Variants in TNIK observed in about 807,000 individuals in gnomAD.
TNIK encodes the protein TRAF2 and NCK interacting kinase, also known as TRAF2 and NCK-interacting protein kinase.
In TNIK, 49 loss-of-function variants were observed where a neutral mutation model predicts 191.3. That is an observed-to-expected ratio of 0.26 (90% CI 0.20 to 0.32). The LOEUF (loss-of-function observed/expected upper bound fraction) is 0.32, where lower values mean the gene tolerates loss of function less well. Ranked by LOEUF, TNIK falls within the 10% of genes least tolerant of loss-of-function variation. TNIK has a pLI of 1.00. For synonymous variants in TNIK, 594 were observed against 600.9 expected (o/e 0.99, Z 0.17); for missense variants, 1,155 against 1,702.3 (o/e 0.68, Z 5.66).
chr3:171,172,968 G>A (rs1045589999), intron 9 of TNIK, among the ~76,000 whole-genome samples: 1 of 152,166 alleles, frequency 6.6e-6, no homozygotes, highest in Admixed American at 6.5e-5. Flanking sequence ...TCAGCACACC[G>A]TTGATCTTTT....
intron 2 of TNIK, among the ~76,000 whole-genome samples, chr3:171,288,207 T>C (rs1287017076): frequency 3.5e-5 from 5 of 144,752 alleles, no homozygotes; most frequent in African/African-American, 1.0e-4. Context: ...TTGGGAGATA[T>C]ACCTAATGCT....
chr3:171,104,991 A>G (rs1010352989), intron 21 of TNIK, among the ~76,000 whole-genome samples: 1 of 147,042 alleles, frequency 6.8e-6, no homozygotes, highest in Non-Finnish European at 1.5e-5. Context: ...CAAAGACTAT[A>G]TTCAAAGACT....
intron 29 of TNIK, among the ~76,000 whole-genome samples, chr3:171,070,387 A>T (rs1196939209): frequency 6.6e-6 from 1 of 152,218 alleles, no homozygotes; most frequent in East Asian, 1.9e-4. Flanking sequence ...GATAACAGTC[A>T]TAAAGGTGGG....
chr3:171,262,119 G>T (rs1436870821), intron 2 of TNIK, among the ~76,000 whole-genome samples: 1 of 152,216 alleles, frequency 6.6e-6, no homozygotes, highest in Non-Finnish European at 1.5e-5. Context: ...TTTCACAACT[G>T]TGCTGATGAA....
At chr3:171,152,045 C>A (rs1456438403) in intron 12 of TNIK, among the ~76,000 whole-genome samples, 3 of 152,108 alleles carry the variant, frequency 2.0e-5, no homozygotes, top group Admixed American at 6.5e-5. Context: ...CTCTGGGAGA[C>A]CGAGGCAGGC....
chr3:171,386,009 T>C lies in TNIK; in HGVS notation c.58-16324A>G, dbSNP rs551524742. On this transcript the variant is annotated intron_variant, in intron 1 of 32. Transcript: ENST00000436636. ...TAAATGACTCTGATGTAATAACTTG[T>C]TTACATCCGTATTCCCCACTCAGCT... Among the ~76,000 whole-genome samples, 316 of 152,284 alleles carry C rather than the reference T, an allele frequency of 2.1e-3. 1 individual carries two copies. The highest frequency in any genetic ancestry group is 7.2e-3 in the African/African-American group (298 of 41,566).
chr3:171,174,174 G>T (rs1173154067), intron 9 of TNIK, among the ~76,000 whole-genome samples: 1 of 152,112 alleles, frequency 6.6e-6, no homozygotes, highest in Non-Finnish European at 1.5e-5. Context: ...CCTTTCCTCT[G>T]TTCCACCAGG....
intron 15 of TNIK, among the ~76,000 whole-genome samples, chr3:171,131,530 G>A (rs919135487): frequency 5.3e-5 from 8 of 151,800 alleles, no homozygotes; most frequent in Non-Finnish European, 1.0e-4. Context: ...TATTTCAGTC[G>A]GTACCATTCT....
intron 1 of TNIK, among the ~76,000 whole-genome samples, chr3:171,400,681 C>T (rs1266500056): frequency 6.6e-6 from 1 of 152,154 alleles, no homozygotes; most frequent in African/African-American, 2.4e-5. Flanking sequence ...AATACAGTTC[C>T]ATATTATTCT....
Position 171,106,119 on chromosome 3 carries a change from C to T in TNIK, c.2406+1064G>A, listed in dbSNP as rs138990929. ...ATAAGTCTGAAAAAGTGAGGCTCTT[C>T]GGTGAAGACCAGATACATGGAAACA... On this transcript the variant is annotated intron_variant, in intron 21 of 32. Coordinates refer to ENST00000436636, the MANE Select transcript of TNIK (RefSeq NM_015028.4). 5.9e-3 allele frequency among the ~76,000 whole-genome samples: 896 copies of T among 152,256 alleles called. 26 individuals are homozygous for T. The highest frequency in any genetic ancestry group is 0.045 in the Admixed American group (693 of 15,280).
At chr3:171,153,123 A>G (rs1258474931) in intron 12 of TNIK, among the ~76,000 whole-genome samples, 1 of 152,004 alleles carries the variant, frequency 6.6e-6, no homozygotes, top group East Asian at 1.9e-4. Flanking sequence ...AAAAGATGCT[A>G]TTGTCTTCCT....
In TNIK at chr3:171,356,809, C is replaced by G. The variant is rs139375959; in HGVS notation, c.123+12811G>C. Among the ~76,000 whole-genome samples, 166 of 152,244 alleles carry G rather than the reference C, an allele frequency of 1.1e-3. 1 individual carries two copies. Among genetic ancestry groups the G allele is most frequent in the African/African-American group, 3.9e-3 (161 of 41,542 alleles). Reference sequence around the variant, plus strand: ...TAAGACAAGGTTAATCATACCTCTTCTATCTAACTTATGGGGTTACTGTGA... The same window carrying G: ...TAAGACAAGGTTAATCATACCTCTTGTATCTAACTTATGGGGTTACTGTGA... On this transcript the variant is annotated intron_variant, in intron 2 of 32. Transcript: ENST00000436636.
chr3:171,359,473 T>C (rs1714651333), intron 2 of TNIK, among the ~76,000 whole-genome samples: 1 of 152,146 alleles, frequency 6.6e-6, no homozygotes, highest in African/African-American at 2.4e-5. Flanking sequence ...TTGTCTGCCT[T>C]TGTTGTAGAG....
intron 1 of TNIK, among the ~76,000 whole-genome samples, chr3:171,437,989 G>A (rs934774165): frequency 9.2e-5 from 14 of 152,176 alleles, no homozygotes; most frequent in African/African-American, 3.4e-4. Context: ...TAGCCACTGG[G>A]GAAGCTGCCC....
At chr3:171,167,014 T>C (rs909992744) in intron 10 of TNIK, 81 bp downstream of exon 10, 53 of 1,488,108 alleles carry the variant, frequency 3.6e-5, no homozygotes, top group Admixed American at 2.5e-4. Flanking sequence ...GAAATCCCCA[T>C]AGTCACCTCC....
intron 21 of TNIK, chr3:171,106,787 A>G (rs769408188): frequency 1.9e-6 from 1 of 531,716 alleles, no homozygotes; most frequent in South Asian, 1.4e-5. Flanking sequence ...CAAATCACAC[A>G]CTCTAAATTT....
At chr3:171,384,655 G>C (rs1718492896) in intron 1 of TNIK, among the ~76,000 whole-genome samples, 1 of 152,188 alleles carries the variant, frequency 6.6e-6, no homozygotes, top group Non-Finnish European at 1.5e-5. Flanking sequence ...TAAATGTTTG[G>C]TTAAGTTGAA....
Position 171,068,443 on chromosome 3 carries a change from C to G in TNIK, c.3699+405G>C, listed in dbSNP as rs1416199047. On this transcript the variant is annotated intron_variant, in intron 30 of 32. Transcript: ENST00000436636. ...AGCTGAAGAGAGGAACTAAAAATAG[C>G]AAAAAAAGAATTTTCTCCAATAAAT... Among the ~76,000 whole-genome samples, 3 of 151,858 alleles carry G rather than the reference C, an allele frequency of 2.0e-5. No individual in the cohort carries two copies. In the East Asian group the frequency reaches 5.8e-4, roughly 29 times the overall value.
chr3:171,117,820 AT>A (rs1210031369), intron 18 of TNIK, among the ~76,000 whole-genome samples: 5 of 152,106 alleles, frequency 3.3e-5, no homozygotes, highest in Non-Finnish European at 7.4e-5. Context: ...AATACAAAAA[AT>A]TAGCTGGGCT....
Sources: allele counts gnomAD v4.1 joint callset (sites outside exome capture counted in the v4.1 genomes callset), GRCh38; gene constraint gnomAD v4.1.1; transcripts MANE v1.5; gene names NCBI Gene and HGNC (gene_info 2026-07-23, HGNC 2026-07-21).